The following ROBO1 variants were observed in gnomAD, a reference collection of about 807,000 sequenced individuals.
The protein encoded by ROBO1 is roundabout homolog 1.
A neutral mutation model predicts 195.9 loss-of-function variants in ROBO1; 149 were observed. The observed-to-expected ratio is 0.76, with a 90% confidence interval of 0.67 to 0.87. The LOEUF is 0.87. Ranked by LOEUF, ROBO1 falls within the 40% of genes least tolerant of loss-of-function variation. ROBO1 has a pLI of 0.00. For synonymous variants in ROBO1, 816 were observed against 733.2 expected (o/e 1.11, Z -1.82); for missense variants, 1,933 against 2,068.3 (o/e 0.93, Z 1.27).
chr3:79,637,148 G>A (rs990183406), intron 1 of ROBO1, among the ~76,000 whole-genome samples: 6 of 152,042 alleles, frequency 3.9e-5, no homozygotes, highest in South Asian at 2.1e-4. Flanking sequence ...CCACTATCAC[G>A]GAAGTTCTAC....
At chr3:79,573,279 T>C (rs35248774) in intron 2 of ROBO1, among the ~76,000 whole-genome samples, 11,129 of 152,206 alleles carry the variant, frequency 0.073, 488 homozygotes, top group Non-Finnish European at 0.094. Flanking sequence ...CTGGAACTCC[T>C]GGGATCAAGC....
intron 3 of ROBO1, among the ~76,000 whole-genome samples, chr3:78,950,805 C>A (rs1341259068): frequency 1.3e-5 from 2 of 151,750 alleles, no homozygotes; most frequent in African/African-American, 2.4e-5. Flanking sequence ...TCAGTAGAGA[C>A]CCTGCTGATG....
At chr3:79,034,456 A>T (rs2078348688) in intron 3 of ROBO1, among the ~76,000 whole-genome samples, 1 of 152,094 alleles carries the variant, frequency 6.6e-6, no homozygotes, top group Admixed American at 6.6e-5. Context: ...GAAGGAGGGA[A>T]ACCATTTGTA....
chr3:79,060,025 G>T (rs1018653504), intron 3 of ROBO1, among the ~76,000 whole-genome samples: 1 of 151,966 alleles, frequency 6.6e-6, no homozygotes, highest in African/African-American at 2.4e-5. Context: ...GCAAGGAGTA[G>T]CCCTGGGAAA....
chr3:79,760,292 GAA>G (rs1003675763), intron 1 of ROBO1, among the ~76,000 whole-genome samples: 1 of 30,052 alleles, frequency 3.3e-5, no homozygotes, highest in Non-Finnish European at 7.4e-5. Flanking sequence ...AAAATTTTCA[GAA>G]AAAATATAAG....
At chr3:79,649,153 C>A (rs1945923818) in intron 1 of ROBO1, among the ~76,000 whole-genome samples, 1 of 151,644 alleles carries the variant, frequency 6.6e-6, no homozygotes, top group Non-Finnish European at 1.5e-5. Flanking sequence ...TTTTTAAAGC[C>A]CTATAAATGA....
intron 2 of ROBO1, among the ~76,000 whole-genome samples, chr3:79,340,269 G>T (rs2034855704): frequency 6.6e-6 from 1 of 152,150 alleles, no homozygotes; most frequent in Admixed American, 6.5e-5. Flanking sequence ...GCCCATTCCA[G>T]CCTGCTTTAT....
intron 2 of ROBO1, among the ~76,000 whole-genome samples, chr3:79,473,717 A>G (rs1938404016): frequency 6.6e-6 from 1 of 152,184 alleles, no homozygotes; most frequent in Non-Finnish European, 1.5e-5. Context: ...CTGAGACAAT[A>G]ATTTTCAATT....
At chr3:79,134,221 G>A (rs1439996609) in intron 2 of ROBO1, among the ~76,000 whole-genome samples, 4 of 134,370 alleles carry the variant, frequency 3.0e-5, no homozygotes, top group Admixed American at 1.6e-4. Context: ...TCAAAAAGTG[G>A]GCGAAGGACA....
intron 3 of ROBO1, among the ~76,000 whole-genome samples, chr3:79,022,986 T>C (rs2078131805): frequency 6.6e-6 from 1 of 152,150 alleles, no homozygotes; most frequent in Non-Finnish European, 1.5e-5. Flanking sequence ...ACACTCCAGG[T>C]CTCTCCAGGG....
At chr3:79,056,985 C>T (rs1035952210) in intron 3 of ROBO1, among the ~76,000 whole-genome samples, 2 of 152,090 alleles carry the variant, frequency 1.3e-5, no homozygotes, top group Non-Finnish European at 2.9e-5. Context: ...GCTCGAAGTT[C>T]AAGCCGCCTT....
chr3:79,733,123 C>A (rs11706934), intron 1 of ROBO1, among the ~76,000 whole-genome samples: 11,292 of 152,214 alleles, frequency 0.074, 500 homozygotes, highest in Non-Finnish European at 0.1. Flanking sequence ...CATCTCCAAT[C>A]GATAAATCCG....
intron 4 of ROBO1, among the ~76,000 whole-genome samples, chr3:78,749,876 A>G (rs1365020403): frequency 2.0e-5 from 3 of 152,158 alleles, no homozygotes; most frequent in African/African-American, 7.2e-5. Flanking sequence ...ATCGTATGAA[A>G]ATTTTAATTT....
chr3:78,696,716 G>GTATATATACATGTATATATACATA (rs2081304113), intron 8 of ROBO1, among the ~76,000 whole-genome samples: 3 of 138,532 alleles, frequency 2.2e-5, no homozygotes, highest in Non-Finnish European at 3.1e-5. Flanking sequence ...ATATATACAC[G>GTATATATACATGTATATATACATA]TATATATACA....
intron 4 of ROBO1, among the ~76,000 whole-genome samples, chr3:78,914,210 T>C (rs2038419012): frequency 6.6e-6 from 1 of 152,134 alleles, no homozygotes; most frequent in African/African-American, 2.4e-5. Context: ...GCAACAATAA[T>C]TTCATATTAC....
chr3:79,516,334 G>A (rs1327632826), intron 2 of ROBO1, among the ~76,000 whole-genome samples: 3 of 151,848 alleles, frequency 2.0e-5, no homozygotes, highest in Non-Finnish European at 4.4e-5. Context: ...TTCATTCACA[G>A]CTCTCAATTT....
At chr3:79,746,912 T>C (rs1286766342) in intron 1 of ROBO1, among the ~76,000 whole-genome samples, 2 of 152,132 alleles carry the variant, frequency 1.3e-5, no homozygotes, top group South Asian at 2.1e-4. Flanking sequence ...TTTAATTCAA[T>C]ATCATTTTCT....
chr3:79,763,417 T>C (rs1214306060), intron 1 of ROBO1, among the ~76,000 whole-genome samples: 1 of 152,124 alleles, frequency 6.6e-6, no homozygotes, highest in Admixed American at 6.5e-5. Flanking sequence ...GGAAATTACT[T>C]GGAATTTCAG....
At chr3:78,990,227 C>T (rs1319079189) in intron 3 of ROBO1, among the ~76,000 whole-genome samples, 1 of 152,102 alleles carries the variant, frequency 6.6e-6, no homozygotes, top group African/African-American at 2.4e-5. Context: ...TGGCGATATG[C>T]CATTTTGGTC....
Sources: allele counts gnomAD v4.1 joint callset (sites outside exome capture counted in the v4.1 genomes callset), GRCh38; gene constraint gnomAD v4.1.1; transcripts MANE v1.5; gene names NCBI Gene and HGNC (gene_info 2026-07-23, HGNC 2026-07-21).